Variants in SGSM2 observed in about 807,000 individuals in gnomAD.
SGSM2 encodes the protein small G protein signaling modulator 2.
Under a neutral mutation model 126.6 loss-of-function variants are expected in SGSM2, and 89 were observed. The observed-to-expected ratio is 0.70, with a 90% confidence interval of 0.59 to 0.84. The LOEUF (loss-of-function observed/expected upper bound fraction) is 0.84. Ranked by LOEUF, SGSM2 falls within the 40% of genes least tolerant of loss-of-function variation. SGSM2 has a pLI of 0.00. For synonymous variants in SGSM2, 614 were observed against 574.3 expected (o/e 1.07, Z -0.99); for missense variants, 1,404 against 1,416.6 (o/e 0.99, Z 0.14).
intron 2 of SGSM2, among the ~76,000 whole-genome samples, chr17:2,348,694 G>C (rs1214029069): frequency 6.6e-6 from 1 of 152,130 alleles, no homozygotes; most frequent in African/African-American, 2.4e-5. Flanking sequence ...AGCAATGCAG[G>C]CAACACACAC....
chr17:2,375,289 T>G, intron 17 of SGSM2: 51 of 565,210 alleles, frequency 9.0e-5, no homozygotes, highest in East Asian at 1.6e-4. Flanking sequence ...CGTGTCTTCA[T>G]GTTTGGCCAG....
rs1597402115 is a variant in SGSM2, at chr17:2,378,928, CAGCCT to C, written c.2900-107_2900-103del. 3.3e-5 allele frequency: 39 copies of C among 1,178,626 alleles called. No homozygotes were observed. The East Asian group carries it at 1.1e-3, about 33-fold the overall frequency. The allele number at this position is 1,178,626 out of a possible 1,614,324, so 73.0% of individuals were successfully genotyped here. Reference sequence around the variant, plus strand: ...CCAGCATCAGCCCCAGCCCCAGCCTCAGCCTCAGCCTCAGCCCCAGCCTCAATCCC... The same window carrying C: ...CCAGCATCAGCCCCAGCCCCAGCCTCCAGCCTCAGCCCCAGCCTCAATCCC... On this transcript the variant is annotated intron_variant, in intron 22 of 23. Coordinates refer to ENST00000268989, the MANE Select transcript of SGSM2 (RefSeq NM_014853.3).
In SGSM2 at chr17:2,380,848, C is replaced by T. The variant is rs36091350; in HGVS notation, c.*1328C>T. 9.0e-5 allele frequency: 15 copies of T among 167,230 alleles called. No individual in the cohort carries two copies. The highest frequency in any genetic ancestry group is 3.1e-4 in the African/African-American group (13 of 41,628). The allele number at this position is 167,230 out of a possible 1,614,324, so 10.4% of individuals were successfully genotyped here. On this transcript the variant is annotated 3_prime_UTR_variant, in exon 24 of 24. Coordinates refer to ENST00000268989, the MANE Select transcript of SGSM2 (RefSeq NM_014853.3). ...AGCCTGCCCAGCCCAGCCCTGCCCC[C>T]GGGCACTGCACAGCCTGTCTGGGGG...
chr17:2,340,786 A>G (rs113726801), intron 1 of SGSM2, among the ~76,000 whole-genome samples: 6,006 of 151,748 alleles, frequency 0.04, 136 homozygotes, highest in Middle Eastern at 0.051. Context: ...GGGTTTCACC[A>G]TGTTAGCCAG....
intron 17 of SGSM2, 27 bp downstream of exon 17, chr17:2,373,540 G>T: frequency 6.4e-7 from 1 of 1,570,720 alleles, no homozygotes; most frequent in Non-Finnish European, 8.6e-7. Flanking sequence ...CTGGAGGGTT[G>T]GGGGTCTCGG....
chr17:2,379,051 ATG>A lies in SGSM2; in HGVS notation c.2919_2920del (p.Phe974CysfsTer35). On this transcript the variant is annotated frameshift_variant, in exon 23 of 24. Coordinates refer to ENST00000268989, the MANE Select transcript of SGSM2 (RefSeq NM_014853.3). LOFTEE classifies it high-confidence loss of function. ...CTCTCCGCAGAACTGCTGTATGAGG[ATG>A]TGTTTGCTGTGTGGGAGGTGATCTG... The A allele has an allele frequency of 3.7e-6, 6 of 1,614,026 alleles. No individual in the cohort carries two copies. Among genetic ancestry groups the A allele is most frequent in the Non-Finnish European group, 5.1e-6 (6 of 1,179,968 alleles).
chr17:2,344,502 G>A (rs569652743), intron 2 of SGSM2, among the ~76,000 whole-genome samples: 1 of 152,086 alleles, frequency 6.6e-6, no homozygotes, highest in East Asian at 1.9e-4. Context: ...AGCAGATACA[G>A]CTGCCCTTCC....
At position 2,363,373 on chromosome 17, in the gene SGSM2, A is replaced by C; in HGVS notation, c.673-92A>C. 14 of 1,573,440 alleles carry C rather than the reference A, an allele frequency of 8.9e-6. No individual in the cohort carries two copies. The highest frequency in any genetic ancestry group is 3.4e-5 in the South Asian group (3 of 88,940). Reference sequence around the variant, plus strand: ...CGGGGCAGGAAGGACCCCTGGGGTCAGCTGGAGAGGGTCAGCATGGAAGCG... The same window carrying C: ...CGGGGCAGGAAGGACCCCTGGGGTCCGCTGGAGAGGGTCAGCATGGAAGCG... On this transcript the variant is annotated intron_variant, in intron 6 of 23. Transcript: ENST00000268989. The surrounding 1 kb of genome is among the most constrained non-coding windows in gnomAD (Gnocchi z 4.2).
At chr17:2,349,949 G>A (rs1000306546) in intron 2 of SGSM2, among the ~76,000 whole-genome samples, 52 of 151,924 alleles carry the variant, frequency 3.4e-4, no homozygotes, top group African/African-American at 1.1e-3. Flanking sequence ...CACCACGCTC[G>A]GCTAATTTTT....
At chr17:2,370,692 C>T (rs1257212549) in intron 12 of SGSM2, among the ~76,000 whole-genome samples, 2 of 152,232 alleles carry the variant, frequency 1.3e-5, no homozygotes, top group Middle Eastern at 3.2e-3. Context: ...GGGCACTGCT[C>T]ATCCGTAGCC....
rs1277909187 is a variant in SGSM2, at chr17:2,379,691, CAG to C, written c.*172_*173del. On this transcript the variant is annotated 3_prime_UTR_variant, in exon 24 of 24. Transcript: ENST00000268989. ...GCAGTGCTGACCCTGCAGGGCAAGT[CAG>C]GGGCCAGGATGCCCTCGGATCAGGG... 10 of 1,426,028 alleles carry C rather than the reference CAG, an allele frequency of 7.0e-6. No homozygotes were observed. The East Asian group carries it at 7.6e-5, about 11-fold the overall frequency. 88.3% of individuals were successfully genotyped at this position (1,426,028 alleles called of 1,614,324 possible).
intron 3 of SGSM2, 118 bp from the exon 4 acceptor site, chr17:2,361,991 C>T (rs1597353402): frequency 7.2e-7 from 1 of 1,388,766 alleles, no homozygotes; most frequent in African/African-American, 1.4e-5. Context: ...CTTCACCTCC[C>T]AACCCCAGTC....
At chr17:2,353,541 T>C (rs1249145042) in intron 2 of SGSM2, among the ~76,000 whole-genome samples, 5 of 152,150 alleles carry the variant, frequency 3.3e-5, no homozygotes, top group Non-Finnish European at 7.4e-5. Context: ...GACGGGCAGA[T>C]TGCTTGAGCT....
intron 12 of SGSM2, among the ~76,000 whole-genome samples, chr17:2,369,954 A>C (rs922643504): frequency 5.3e-5 from 8 of 152,158 alleles, no homozygotes; most frequent in Non-Finnish European, 1.2e-4. Context: ...CTGAAGGGCC[A>C]GATATCTGCA....
intron 20 of SGSM2, 27 bp from the exon 21 acceptor site, chr17:2,376,932 G>A (rs1388146164): frequency 1.2e-6 from 2 of 1,605,462 alleles, no homozygotes; most frequent in African/African-American, 1.3e-5. Flanking sequence ...CTCCTGCCCT[G>A]CCAGCTTCAC....
At chr17:2,366,477 G>A (rs2065591205) in intron 11 of SGSM2, 1 of 152,236 alleles carries the variant, frequency 6.6e-6, no homozygotes, top group Non-Finnish European at 1.5e-5. Flanking sequence ...TTAGGGACCG[G>A]ACTGCCCAGA....
Position 2,362,307 on chromosome 17 carries a change from C to T in SGSM2, c.458+37C>T. ...GTTCCCCAAAAACTGCAGGTGACCA[C>T]CCCGTTCCCCCCAAAACTGCAGGTG... On this transcript the variant is annotated intron_variant, in intron 4 of 23. Coordinates refer to ENST00000268989, the MANE Select transcript of SGSM2 (RefSeq NM_014853.3). The surrounding 1 kb of genome is among the most constrained non-coding windows in gnomAD (Gnocchi z 4.9). The T allele has an allele frequency of 1.3e-6, 2 of 1,583,052 alleles. No homozygotes were observed. Among genetic ancestry groups the T allele is most frequent in the South Asian group, 1.1e-5 (1 of 87,668 alleles).
At chr17:2,338,508 G>A (rs2064191010) in intron 1 of SGSM2, among the ~76,000 whole-genome samples, 1 of 152,070 alleles carries the variant, frequency 6.6e-6, no homozygotes, top group Non-Finnish European at 1.5e-5. Flanking sequence ...AACCCACAGC[G>A]CAGCTTAGAA....
chr17:2,362,958 T>C lies in SGSM2; in HGVS notation c.527-31T>C, dbSNP rs2065384432. ...GTACGGGGCAGGTGCTGAGGGAGCATCGTCTGGGCTGGCTGTCTCTGTCTC... is the reference window on the plus strand; with the variant it reads ...GTACGGGGCAGGTGCTGAGGGAGCACCGTCTGGGCTGGCTGTCTCTGTCTC... On this transcript the variant is annotated intron_variant, in intron 5 of 23. Coordinates refer to ENST00000268989, the MANE Select transcript of SGSM2 (RefSeq NM_014853.3). The surrounding 1 kb of genome is among the most constrained non-coding windows in gnomAD (Gnocchi z 4.9). 6.2e-7 allele frequency: 1 copy of C among 1,613,888 alleles called. No individual in the cohort carries two copies. The highest frequency in any genetic ancestry group is 8.5e-7 in the Non-Finnish European group (1 of 1,179,976).
Sources: allele counts gnomAD v4.1 joint callset (sites outside exome capture counted in the v4.1 genomes callset), GRCh38; gene constraint gnomAD v4.1.1; non-coding constraint Gnocchi (gnomAD v3.1); transcripts MANE v1.5; gene names NCBI Gene and HGNC (gene_info 2026-07-23, HGNC 2026-07-21).